Variants in KAZN observed in about 807,000 individuals in gnomAD.
KAZN encodes kazrin.
KAZN carries 40 observed loss-of-function variants against 87.4 expected under a neutral mutation model. The observed-to-expected ratio is 0.46, with a 90% CI of 0.36 to 0.60. The LOEUF is 0.60. KAZN is among the 20% of genes least tolerant of loss of function. The pLI, the probability that KAZN is intolerant of heterozygous loss-of-function variation, is 0.00. For missense variants in KAZN, 898 were observed against 1,073.9 expected, an observed-to-expected ratio of 0.84 and a Z score of 2.29; for synonymous variants, 466 against 458.3, an observed-to-expected ratio of 1.02 and a Z score of -0.22.
intron 5 of KAZN, among the ~76,000 whole-genome samples, chr1:15,059,089 C>T (rs1321602814): frequency 7.4e-5 from 11 of 149,164 alleles, no homozygotes; most frequent in Non-Finnish European, 1.6e-4. Context: ...GAGAAATCAA[C>T]AGAAAACAGG....
intron 4 of KAZN, among the ~76,000 whole-genome samples, chr1:15,054,630 C>A (rs1407948550): frequency 2.1e-5 from 3 of 142,722 alleles, no homozygotes; most frequent in African/African-American, 7.9e-5. Flanking sequence ...CCGGCCTGGG[C>A]AACAGAGTGA....
chr1:14,700,596 A>C (rs1477933267), intron 1 of KAZN, among the ~76,000 whole-genome samples: 2 of 152,170 alleles, frequency 1.3e-5, no homozygotes, highest in African/African-American at 4.8e-5. Context: ...CAGGGAGAAA[A>C]CAAATATTGT....
At chr1:14,583,448 A>G (rs1675672952) in intron 2 of KAZN, among the ~76,000 whole-genome samples, 1 of 152,198 alleles carries the variant, frequency 6.6e-6, no homozygotes, top group Non-Finnish European at 1.5e-5. Context: ...TGTAGGAGTG[A>G]GGAAGTCAGG....
chr1:14,312,820 C>T (rs1034594900), intron 2 of KAZN, among the ~76,000 whole-genome samples: 1 of 152,062 alleles, frequency 6.6e-6, no homozygotes, highest in African/African-American at 2.4e-5. Flanking sequence ...TGAGCGTGAC[C>T]TCTGGCCTAT....
intron 1 of KAZN, among the ~76,000 whole-genome samples, chr1:14,045,348 CA>C (rs1203281726): frequency 6.6e-6 from 1 of 152,208 alleles, no homozygotes; most frequent in African/African-American, 2.4e-5. Context: ...CATCATCCAT[CA>C]AGGACAGTGT....
In KAZN at chr1:13,936,263, A is replaced by AT. The variant is rs796672000; in HGVS notation, c.91+42517dup. 5.6e-3 allele frequency among the ~76,000 whole-genome samples: 824 copies of AT among 146,452 alleles called. 8 individuals are homozygous for AT. Among genetic ancestry groups the AT allele is most frequent in the Non-Finnish European group, 5.5e-3 (364 of 66,132 alleles). On this transcript the variant is annotated intron_variant, in intron 1 of 16. Transcript: ENST00000636203. ...AGGCATGCACCACCATGCCTGGCTAATTTTTTTTTTGTATATTTAGTAGAG... is the reference window on the plus strand; with the variant it reads ...AGGCATGCACCACCATGCCTGGCTAATTTTTTTTTTTGTATATTTAGTAGAG...
At chr1:14,700,520 G>T (rs1199400323) in intron 1 of KAZN, among the ~76,000 whole-genome samples, 3 of 151,648 alleles carry the variant, frequency 2.0e-5, no homozygotes, top group African/African-American at 4.8e-5. Context: ...CAGTTTATTT[G>T]TTATTCTCCC....
intron 1 of KAZN, among the ~76,000 whole-genome samples, chr1:13,971,814 G>T (rs1642146951): frequency 6.6e-6 from 1 of 152,264 alleles, no homozygotes; most frequent in Middle Eastern, 3.4e-3. Flanking sequence ...ATAGTGAATT[G>T]TTGTAAGATC....
At chr1:14,700,671 T>G (rs1032872099) in intron 1 of KAZN, among the ~76,000 whole-genome samples, 1 of 152,014 alleles carries the variant, frequency 6.6e-6, no homozygotes, top group Non-Finnish European at 1.5e-5. Flanking sequence ...AAGTTGAGCA[T>G]GTATGCCTCT....
chr1:14,240,282 G>A (rs1390989859), intron 2 of KAZN, among the ~76,000 whole-genome samples: 2 of 152,212 alleles, frequency 1.3e-5, no homozygotes, highest in Non-Finnish European at 2.9e-5. Context: ...ATGTGGTGAG[G>A]TCAGCTCCCT....
In KAZN at chr1:14,638,580, A is replaced by AAAAAAAAAAAAAAC. The variant is rs1557856206; in HGVS notation, c.226+39369_226+39370insACAAAAAAAAAAAA. ...CAAGACTCCGTCTCAAAAAAAAAAC[A>AAAAAAAAAAAAAAC]AAAAAAAAAAAACAAAAAGGGTTGT... On this transcript the variant is annotated intron_variant, in intron 1 of 14. Coordinates refer to ENST00000376030, the MANE Select transcript of KAZN (RefSeq NM_201628.3). Among the ~76,000 whole-genome samples the AAAAAAAAAAAAAAC allele has an allele frequency of 1.7e-3, 41 of 23,620 alleles. No individual in the cohort carries two copies. In the African/African-American group the frequency reaches 0.022, roughly 12 times the overall value. The allele number at this position is 23,620 out of a possible 152,430, so 15.5% of individuals were successfully genotyped here.
chr1:14,667,739 T>C (rs555824737), intron 1 of KAZN, among the ~76,000 whole-genome samples: 94 of 151,974 alleles, frequency 6.2e-4, no homozygotes, highest in African/African-American at 2.1e-3. Context: ...AAACACAGTG[T>C]ACTGAAGTTG....
chr1:14,073,234 G>T (rs528174911), intron 1 of KAZN, among the ~76,000 whole-genome samples: 2 of 152,272 alleles, frequency 1.3e-5, no homozygotes, highest in African/African-American at 4.8e-5. Flanking sequence ...GATAGGAACA[G>T]GAAAGATTAA....
intron 2 of KAZN, among the ~76,000 whole-genome samples, chr1:14,258,601 A>G (rs1029114594): frequency 2.6e-5 from 4 of 152,140 alleles, no homozygotes; most frequent in South Asian, 2.1e-4. Flanking sequence ...TCTAGAATCT[A>G]TACCAGGGAG....
At chr1:15,006,795 G>A (rs542329501) in intron 2 of KAZN, among the ~76,000 whole-genome samples, 3 of 152,182 alleles carry the variant, frequency 2.0e-5, no homozygotes, top group East Asian at 3.9e-4. Flanking sequence ...GGTGGCTCAC[G>A]CCTGTAATCC....
At chr1:14,926,460 T>C (rs1027527261) in intron 1 of KAZN, among the ~76,000 whole-genome samples, 1 of 152,182 alleles carries the variant, frequency 6.6e-6, no homozygotes, top group African/African-American at 2.4e-5. Context: ...AGACAGCACA[T>C]TGGAAAACTC....
intron 1 of KAZN, among the ~76,000 whole-genome samples, chr1:13,896,326 G>A (rs1278098722): frequency 1.3e-5 from 2 of 152,106 alleles, no homozygotes; most frequent in Non-Finnish European, 2.9e-5. Context: ...AAAGCAAATG[G>A]TGGGCCAGGC....
intron 1 of KAZN, among the ~76,000 whole-genome samples, chr1:14,150,651 A>G (rs928543048): frequency 6.6e-6 from 1 of 152,194 alleles, no homozygotes; most frequent in Non-Finnish European, 1.5e-5. Context: ...GCCATGCATG[A>G]ACCCATTGTT....
At chr1:14,709,929 G>T (rs1642399963) in intron 1 of KAZN, among the ~76,000 whole-genome samples, 1 of 152,142 alleles carries the variant, frequency 6.6e-6, no homozygotes, top group Non-Finnish European at 1.5e-5. Context: ...AGTAAACAGA[G>T]AATAAGAGGT....
Sources: allele counts gnomAD v4.1 joint callset (sites outside exome capture counted in the v4.1 genomes callset), GRCh38; gene constraint gnomAD v4.1.1; transcripts MANE v1.5; gene names NCBI Gene and HGNC (gene_info 2026-07-23, HGNC 2026-07-21).